The following AP3S1 variants were observed in gnomAD, a reference collection of about 807,000 sequenced individuals.
AP3S1 encodes AP-3 complex subunit sigma-1.
A neutral mutation model predicts 21.3 loss-of-function variants in AP3S1; 12 were observed. The observed-to-expected ratio is 0.56, with a 90% CI of 0.36 to 0.91. The LOEUF (loss-of-function observed/expected upper bound fraction) is 0.91. Ranked by LOEUF, AP3S1 falls within the 40% of genes least tolerant of loss-of-function variation. The pLI is 0.01. For synonymous variants in AP3S1, 48 were observed against 78.4 expected (o/e 0.61, Z 2.05); for missense variants, 116 against 225.0 (o/e 0.52, Z 3.10).
At chr5:115,882,436 G>T (rs912640933) in intron 3 of AP3S1, among the ~76,000 whole-genome samples, 5 of 152,182 alleles carry the variant, frequency 3.3e-5, no homozygotes, top group Admixed American at 6.5e-5. Flanking sequence ...CTGATTGTTA[G>T]TTTTCCTTCT....
chr5:115,864,635 G>C (rs1309038306), intron 1 of AP3S1, among the ~76,000 whole-genome samples: 1 of 152,202 alleles, frequency 6.6e-6, no homozygotes, highest in African/African-American at 2.4e-5. Flanking sequence ...TCTATATGTT[G>C]AGCATGACTT....
chr5:115,842,144 G>A (rs1354746339), intron 1 of AP3S1, 38 bp downstream of exon 1: 2 of 1,527,978 alleles, frequency 1.3e-6, no homozygotes, highest in East Asian at 2.6e-5. Flanking sequence ...GCGAGGGGGA[G>A]TCGTTGGCGA....
intron 2 of AP3S1, among the ~76,000 whole-genome samples, chr5:115,867,649 C>G (rs551086140): frequency 3.3e-5 from 5 of 152,120 alleles, no homozygotes; most frequent in Admixed American, 6.5e-5. Context: ...TACATACTTA[C>G]AAATTTTGCT....
chr5:115,852,719 TAC>T (rs972600630), intron 1 of AP3S1, among the ~76,000 whole-genome samples: 4 of 152,178 alleles, frequency 2.6e-5, no homozygotes, highest in African/African-American at 9.6e-5. Context: ...CATGAAATAT[TAC>T]AGTCTTGTGA....
chr5:115,868,960 AGGGAGGGAGGGAGGG>A (rs1747969489), intron 2 of AP3S1, among the ~76,000 whole-genome samples: 1 of 6,802 alleles, frequency 1.5e-4, no homozygotes, highest in Non-Finnish European at 2.8e-4. Context: ...GAAGGGAGGG[AGGGAGGGAGGGAGGG>A]AGGGAGGGAG....
intron 4 of AP3S1, among the ~76,000 whole-genome samples, chr5:115,901,669 G>T (rs966855290): frequency 2.0e-5 from 3 of 151,490 alleles, no homozygotes; most frequent in Admixed American, 6.6e-5. Flanking sequence ...GTCCTCCTGG[G>T]TCAGCCTCCC....
chr5:115,883,865 CAG>C, intron 3 of AP3S1, among the ~76,000 whole-genome samples: 1 of 152,322 alleles, frequency 6.6e-6, no homozygotes, highest in South Asian at 2.1e-4. Flanking sequence ...GTTTTGTACA[CAG>C]AAAGAAATTA....
intron 3 of AP3S1, among the ~76,000 whole-genome samples, chr5:115,889,735 G>A (rs1750118844): frequency 6.6e-6 from 1 of 152,102 alleles, no homozygotes; most frequent in Non-Finnish European, 1.5e-5. Flanking sequence ...CAGCTACTCA[G>A]GTGTCTGAGG....
intron 2 of AP3S1, among the ~76,000 whole-genome samples, chr5:115,868,679 C>T (rs916379296): frequency 3.3e-5 from 5 of 151,484 alleles, no homozygotes; most frequent in East Asian, 1.9e-4. Flanking sequence ...CTCAGGAGTT[C>T]GAGACCAGCC....
chr5:115,897,797 C>T (rs1367270004), intron 4 of AP3S1, among the ~76,000 whole-genome samples: 2 of 152,038 alleles, frequency 1.3e-5, no homozygotes, highest in East Asian at 1.9e-4. Flanking sequence ...CTCCTGACCT[C>T]GTGATCTGCC....
chr5:115,909,768 C>A (rs1167602591), intron 5 of AP3S1, among the ~76,000 whole-genome samples: 1 of 152,142 alleles, frequency 6.6e-6, no homozygotes, highest in African/African-American at 2.4e-5. Flanking sequence ...AATGTATTTA[C>A]AGTAATCCCC....
chr5:115,886,895 T>G (rs1357828555), intron 3 of AP3S1, among the ~76,000 whole-genome samples: 2 of 152,198 alleles, frequency 1.3e-5, no homozygotes, highest in Non-Finnish European at 2.9e-5. Context: ...ATGTGTTAAG[T>G]GCATGGTACA....
intron 3 of AP3S1, among the ~76,000 whole-genome samples, chr5:115,871,034 C>G (rs923214297): frequency 2.6e-5 from 4 of 152,170 alleles, no homozygotes; most frequent in Admixed American, 6.5e-5. Context: ...TGAGGAACGC[C>G]AAGTTTAGGG....
intron 1 of AP3S1, among the ~76,000 whole-genome samples, chr5:115,864,206 G>A (rs1326225190): frequency 1.3e-5 from 2 of 152,186 alleles, no homozygotes; most frequent in East Asian, 1.9e-4. Flanking sequence ...TAGTCTCTTG[G>A]TTCTATAAGA....
intron 4 of AP3S1, among the ~76,000 whole-genome samples, chr5:115,900,098 A>G (rs1037868937): frequency 2.0e-5 from 3 of 152,176 alleles, no homozygotes; most frequent in African/African-American, 7.2e-5. Flanking sequence ...ATAATATTCA[A>G]TACACTAAAA....
chr5:115,872,257 A>C (rs984359587), intron 3 of AP3S1, among the ~76,000 whole-genome samples: 2 of 152,138 alleles, frequency 1.3e-5, no homozygotes, highest in African/African-American at 4.8e-5. Context: ...ACTCCAGCCC[A>C]GGTAACAGAG....
intron 3 of AP3S1, among the ~76,000 whole-genome samples, chr5:115,871,709 C>T (rs1404694491): frequency 6.6e-6 from 1 of 152,080 alleles, no homozygotes; most frequent in African/African-American, 2.4e-5. Flanking sequence ...ACCATATTTA[C>T]CAGTCTCACT....
chr5:115,895,192 A>G (rs1750649744), intron 4 of AP3S1, 34 bp downstream of exon 4: 1 of 1,420,332 alleles, frequency 7.0e-7, no homozygotes, highest in Non-Finnish European at 9.6e-7. Flanking sequence ...AAGCTTTTTA[A>G]GAAAAACATT....
At chr5:115,885,940 T>C (rs1173430640) in intron 3 of AP3S1, among the ~76,000 whole-genome samples, 1 of 152,244 alleles carries the variant, frequency 6.6e-6, no homozygotes, top group Non-Finnish European at 1.5e-5. Flanking sequence ...GCTGTAAGTA[T>C]GGACAGTTCA....
Sources: gnomAD v4.1 joint callset for allele counts (sites outside exome capture counted in the v4.1 genomes callset) on GRCh38, gnomAD v4.1.1 for gene constraint, MANE v1.5 for transcripts, NCBI Gene and HGNC (gene_info 2026-07-23, HGNC 2026-07-21) for gene names.